The following PRUNE2 variants were observed in gnomAD, a reference collection of about 807,000 sequenced individuals.
PRUNE2 encodes the protein protein prune homolog 2.
PRUNE2 carries 164 observed loss-of-function variants against 252.0 expected under a neutral mutation model. The observed-to-expected ratio is 0.65, with a 90% confidence interval of 0.57 to 0.74. The LOEUF is 0.74. PRUNE2 is among the 30% of genes least tolerant of loss of function. The probability of loss-of-function intolerance (pLI) is 0.00; values close to 1 mark genes in which losing one functional copy is unlikely to be tolerated. For missense variants in PRUNE2, 3,495 were observed against 3,711.0 expected (o/e 0.94, Z 1.51); for synonymous variants, 1,292 against 1,350.2 (o/e 0.96, Z 0.94).
At chr9:76,745,082 C>CA (rs1342132307) in intron 6 of PRUNE2, among the ~76,000 whole-genome samples, 1 of 152,122 alleles carries the variant, frequency 6.6e-6, no homozygotes, top group Non-Finnish European at 1.5e-5. Context: ...AGTAGGCACC[C>CA]AATGAAACCA....
chr9:76,738,955 GA>G (rs2049320854), intron 6 of PRUNE2: 2 of 152,260 alleles, frequency 1.3e-5, no homozygotes, highest in South Asian at 4.2e-4. Context: ...AAAGCCCTTT[GA>G]AAGACTTTGA....
intron 6 of PRUNE2, among the ~76,000 whole-genome samples, chr9:76,795,209 T>C (rs1189048088): frequency 2.0e-5 from 3 of 152,120 alleles, no homozygotes; most frequent in Admixed American, 1.3e-4. Flanking sequence ...TATCATACCC[T>C]ATCAGTATCT....
intron 6 of PRUNE2, chr9:76,740,284 C>G (rs1440090317): frequency 6.6e-6 from 1 of 151,604 alleles, no homozygotes; most frequent in Non-Finnish European, 1.5e-5. Context: ...CCCATCTCTA[C>G]TAAAAATACA....
intron 1 of PRUNE2, among the ~76,000 whole-genome samples, chr9:76,893,202 G>A (rs936088916): frequency 1.3e-5 from 2 of 152,158 alleles, no homozygotes; most frequent in Non-Finnish European, 2.9e-5. Flanking sequence ...CCATGATCTT[G>A]CCACTGCACT....
intron 12 of PRUNE2, among the ~76,000 whole-genome samples, chr9:76,642,837 A>C (rs140291949): frequency 2.0e-4 from 31 of 152,160 alleles, no homozygotes; most frequent in African/African-American, 5.8e-4. Flanking sequence ...GCATCTCTCT[A>C]AAGTTCCGGA....
intron 9 of PRUNE2, among the ~76,000 whole-genome samples, chr9:76,674,033 T>C (rs561710803): frequency 6.6e-6 from 1 of 152,102 alleles, no homozygotes; most frequent in African/African-American, 2.4e-5. Flanking sequence ...CTATTCAACA[T>C]AGTGTTGGAA....
At chr9:76,739,626 A>T (rs187225129) in intron 6 of PRUNE2, 2 of 152,266 alleles carry the variant, frequency 1.3e-5, no homozygotes, top group East Asian at 3.9e-4. Flanking sequence ...CAGCTCCCCT[A>T]AAGCACACAA....
At chr9:76,787,951 C>G (rs1460592227) in intron 6 of PRUNE2, among the ~76,000 whole-genome samples, 1 of 152,208 alleles carries the variant, frequency 6.6e-6, no homozygotes, top group Non-Finnish European at 1.5e-5. Context: ...ACCAAGCGTT[C>G]CTTCCCACAC....
intron 4 of PRUNE2, among the ~76,000 whole-genome samples, chr9:76,831,438 CAATTATAGTAATATTTTAAAGAGTTTAG>C (rs1330420068): frequency 6.6e-6 from 1 of 151,950 alleles, no homozygotes; most frequent in East Asian, 1.9e-4. Flanking sequence ...CTGTATAAAA[CAATTATAGTAATATTTTAAAGAGTTTAG>C]AATTATAGTA....
At position 76,706,688 on chromosome 9, in the gene PRUNE2, G is replaced by C. The variant is rs769454050; in HGVS notation, c.5586C>G (p.His1862Gln). Residue 1862 changes from histidine to glutamine, a missense_variant, in exon 8 of 19, where the codon CAC (histidine) becomes CAG (glutamine). His to Gln is a conservative substitution (Grantham distance 24). Coordinates refer to ENST00000376718, the MANE Select transcript of PRUNE2 (RefSeq NM_015225.3). ...SGVLEINSSV[H>Q]QNASPWGVPV... The stretch of plus-strand genomic sequence containing the variant: ...GTACTCCCCAGGGACTGGCATTTTG[G>C]TGTACTGAAGAATTTATCTCCAACA... 3 of 1,613,408 alleles carry C rather than the reference G, an allele frequency of 1.9e-6. No homozygotes were observed. The highest frequency in any genetic ancestry group is 2.5e-6 in the Non-Finnish European group (3 of 1,179,724).
In PRUNE2 at chr9:76,708,293, C is replaced by A; in HGVS notation, c.3981G>T (p.Glu1327Asp). 1 of 1,613,808 alleles carries A rather than the reference C, an allele frequency of 6.2e-7. No individual in the cohort carries two copies. Among genetic ancestry groups the A allele is most frequent in the Non-Finnish European group, 8.5e-7 (1 of 1,179,884 alleles). Residue 1327 changes from glutamate to aspartate, a missense_variant, in exon 8 of 19, where the codon GAG becomes GAT. Transcript: ENST00000376718. The stretch of plus-strand genomic sequence containing the variant: ...TGTCAGTGGCTCCCTGGGCTTCCTT[C>A]TCACTTTCACTTTGTCCATCGCCAT... ...KGHGDGQSES[E>D]KEAQGATDRG...
At chr9:76,645,163 A>G (rs887949130) in intron 11 of PRUNE2, 4 of 379,800 alleles carry the variant, frequency 1.1e-5, no homozygotes, top group Non-Finnish European at 9.5e-6. Flanking sequence ...TGCTAAGGCC[A>G]TGCTGAGGGG....
At chr9:76,844,230 G>C (rs2059550573) in intron 4 of PRUNE2, among the ~76,000 whole-genome samples, 1 of 152,136 alleles carries the variant, frequency 6.6e-6, no homozygotes, top group African/African-American at 2.4e-5. Flanking sequence ...TCCAATGTTG[G>C]AGGTGGGGCC....
chr9:76,885,618 G>A (rs539079166), intron 1 of PRUNE2, among the ~76,000 whole-genome samples: 15 of 152,274 alleles, frequency 9.9e-5, no homozygotes, highest in South Asian at 2.1e-4. Flanking sequence ...TCTTCAGAGC[G>A]GCAACCCCCG....
chr9:76,775,379 C>G (rs1406174394), intron 6 of PRUNE2, among the ~76,000 whole-genome samples: 1 of 152,202 alleles, frequency 6.6e-6, no homozygotes, highest in Non-Finnish European at 1.5e-5. Context: ...TCACTGCAGC[C>G]TTGACCTTCC....
chr9:76,714,719 A>G (rs527605285), intron 6 of PRUNE2, among the ~76,000 whole-genome samples: 32 of 152,324 alleles, frequency 2.1e-4, no homozygotes, highest in African/African-American at 7.2e-4. Flanking sequence ...TATTAACTAC[A>G]ATGAGAGCCA....
chr9:76,706,650 T>A lies in PRUNE2; in HGVS notation c.5624A>T (p.Asp1875Val). The change falls in exon 8 of 19, where the codon GAT becomes GTT. Residue 1875 changes from aspartate to valine, a missense_variant. Transcript: ENST00000376718. ...ATAGTGTGTTTCCACGGGCTCAATA[T>A]CACCCTGAACTGGTACTCCCCAGGG... ...ASPWGVPVQG[D>V]IEPVETHYTN... 2 of 1,613,898 alleles carry A rather than the reference T, an allele frequency of 1.2e-6. No individual in the cohort carries two copies. Among genetic ancestry groups the A allele is most frequent in the Non-Finnish European group, 1.7e-6 (2 of 1,179,858 alleles).
intron 4 of PRUNE2, among the ~76,000 whole-genome samples, chr9:76,845,821 C>T (rs1035072558): frequency 1.3e-5 from 2 of 152,220 alleles, no homozygotes; most frequent in Non-Finnish European, 2.9e-5. Flanking sequence ...ACAGTGTCCT[C>T]TGTAAGTCAA....
rs1258644273 is a variant in PRUNE2, at chr9:76,698,716, C to A, written c.8276+4621G>T. Reference sequence around the variant, plus strand: ...AAACTCCCCAACCATAAGTCATAGACAGAAAAAGTCTGACTTCACGAAAAA... The same window carrying A: ...AAACTCCCCAACCATAAGTCATAGAAAGAAAAAGTCTGACTTCACGAAAAA... On this transcript the variant is annotated intron_variant, in intron 9 of 18. Transcript: ENST00000376718. 2.0e-5 allele frequency among the ~76,000 whole-genome samples: 3 copies of A among 152,196 alleles called. No individual in the cohort carries two copies. In the East Asian group the frequency reaches 5.8e-4, roughly 29 times the overall value.
Sources: gnomAD v4.1 joint callset for allele counts (sites outside exome capture counted in the v4.1 genomes callset) on GRCh38, gnomAD v4.1.1 for gene constraint, MANE v1.5 for transcripts, NCBI Gene and HGNC (gene_info 2026-07-23, HGNC 2026-07-21) for gene names.